The following PARP4 variants were observed in gnomAD, a reference collection of about 807,000 sequenced individuals.
PARP4 encodes protein mono-ADP-ribosyltransferase PARP4.
In PARP4, 120 loss-of-function variants were observed where a neutral mutation model predicts 187.7. The ratio of observed to expected loss-of-function variants is 0.64; its 90% CI spans 0.55 to 0.74. PARP4 has a LOEUF of 0.74. Among genes scored for constraint, PARP4 ranks in the 30% least tolerant of loss-of-function variants. PARP4 has a pLI of 0.00. For synonymous variants in PARP4, 654 were observed against 740.9 expected (o/e 0.88, Z 1.90); for missense variants, 1,836 against 2,070.5 (o/e 0.89, Z 2.20).
chr13:24,437,170 G>T (rs1870676162), intron 30 of PARP4, among the ~76,000 whole-genome samples: 1 of 151,994 alleles, frequency 6.6e-6, no homozygotes, highest in Admixed American at 6.6e-5. Flanking sequence ...ATCTGGAAAA[G>T]AATAAAGTTG....
chr13:24,426,260 C>T (rs1198723947), intron 33 of PARP4, among the ~76,000 whole-genome samples: 6 of 152,074 alleles, frequency 3.9e-5, no homozygotes, highest in African/African-American at 1.4e-4. Context: ...ACTCTTTGAG[C>T]CCATTTCCTG....
chr13:24,505,139 G>GACACAC (rs141835469), intron 1 of PARP4, among the ~76,000 whole-genome samples: 2,783 of 150,074 alleles, frequency 0.019, 97 homozygotes, highest in African/African-American at 0.064. Flanking sequence ...GTTAAAGAAA[G>GACACAC]ACACACACAC....
intron 1 of PARP4, among the ~76,000 whole-genome samples, chr13:24,506,420 T>A (rs879571186): frequency 6.6e-6 from 1 of 152,126 alleles, no homozygotes; most frequent in Non-Finnish European, 1.5e-5. Flanking sequence ...TTGCCACTGC[T>A]AGCTCGGGCA....
intron 30 of PARP4, among the ~76,000 whole-genome samples, chr13:24,435,916 C>CAA (rs56254149): frequency 4.6e-5 from 4 of 87,894 alleles, no homozygotes; most frequent in Non-Finnish European, 4.6e-5. Flanking sequence ...TATTCTGTCT[C>CAA]AAAAAAAAAA....
intron 30 of PARP4, among the ~76,000 whole-genome samples, chr13:24,440,204 C>A (rs1870849136): frequency 6.6e-6 from 1 of 151,966 alleles, no homozygotes; most frequent in Admixed American, 6.6e-5. Context: ...TCGAGACTAG[C>A]CTGGCCAACA....
At chr13:24,461,870 C>G (rs1346255596) in intron 17 of PARP4, among the ~76,000 whole-genome samples, 1 of 152,166 alleles carries the variant, frequency 6.6e-6, no homozygotes, top group Non-Finnish European at 1.5e-5. Flanking sequence ...CCAGGTAAAG[C>G]TCCACTGCTT....
At chr13:24,464,637 A>G (rs1001101152) in intron 17 of PARP4, among the ~76,000 whole-genome samples, 6 of 152,206 alleles carry the variant, frequency 3.9e-5, no homozygotes, top group Non-Finnish European at 7.3e-5. Context: ...AACTTACACA[A>G]AAAATAACTC....
intron 1 of PARP4, among the ~76,000 whole-genome samples, chr13:24,511,212 T>C (rs1167535473): frequency 6.6e-6 from 1 of 152,198 alleles, no homozygotes; most frequent in African/African-American, 2.4e-5. Context: ...CTTCTCTCTT[T>C]CCACAGATTC....
chr13:24,463,594 C>T (rs1310071447), intron 17 of PARP4, among the ~76,000 whole-genome samples: 1 of 152,178 alleles, frequency 6.6e-6, no homozygotes, highest in Admixed American at 6.5e-5. Context: ...TACAATTCAA[C>T]ATTGCTTTAT....
intron 3 of PARP4, 90 bp downstream of exon 3, chr13:24,501,543 G>T: frequency 2.4e-6 from 2 of 844,730 alleles, no homozygotes; most frequent in South Asian, 1.6e-5. Flanking sequence ...TAGTATTTCT[G>T]GACAATTCTC....
intron 18 of PARP4, 54 bp from the exon 19 acceptor site, chr13:24,459,364 G>A (rs1872065739): frequency 7.0e-7 from 1 of 1,437,800 alleles, no homozygotes; most frequent in Non-Finnish European, 9.4e-7. Flanking sequence ...GTTTCACAAT[G>A]AGACTAAAGT....
chr13:24,486,585 A>G (rs1447146416), intron 10 of PARP4, among the ~76,000 whole-genome samples: 1 of 152,264 alleles, frequency 6.6e-6, no homozygotes, highest in East Asian at 1.9e-4. Context: ...CAAATAAACA[A>G]TAGTATATGG....
At chr13:24,493,183 G>A (rs1868757001) in intron 8 of PARP4, among the ~76,000 whole-genome samples, 1 of 152,188 alleles carries the variant, frequency 6.6e-6, no homozygotes, top group African/African-American at 2.4e-5. Flanking sequence ...TTTTCTGGTG[G>A]TCTGGAGGCA....
At chr13:24,511,117 G>C (rs768110593) in intron 1 of PARP4, among the ~76,000 whole-genome samples, 1 of 152,168 alleles carries the variant, frequency 6.6e-6, no homozygotes, top group Non-Finnish European at 1.5e-5. Flanking sequence ...ACATAAATCT[G>C]CGGTCTGTTC....
chr13:24,439,004 C>A (rs1870781442), intron 30 of PARP4, among the ~76,000 whole-genome samples: 1 of 121,174 alleles, frequency 8.3e-6, no homozygotes, highest in Non-Finnish European at 1.8e-5. Context: ...CTAACATAAA[C>A]TTTCAAGTCA....
chr13:24,434,251 G>T, intron 31 of PARP4, 144 bp downstream of exon 31: 1 of 520,638 alleles, frequency 1.9e-6, no homozygotes, highest in Non-Finnish European at 3.0e-6. Context: ...AATGAAGGAA[G>T]CAGTATGATT....
chr13:24,444,129 T>G (rs1261252914), intron 27 of PARP4, among the ~76,000 whole-genome samples: 5 of 152,274 alleles, frequency 3.3e-5, no homozygotes, highest in Non-Finnish European at 7.3e-5. Flanking sequence ...TGGTCTGCAC[T>G]CTGAAGGGTG....
At chr13:24,500,230 A>G in intron 4 of PARP4, 86 bp downstream of exon 4, 1 of 668,366 alleles carries the variant, frequency 1.5e-6, no homozygotes, top group Non-Finnish European at 2.5e-6. Flanking sequence ...AAAAGTCTAC[A>G]AATAGAATTT....
chr13:24,483,352 G>T (rs1416896545), intron 12 of PARP4, among the ~76,000 whole-genome samples: 2 of 139,804 alleles, frequency 1.4e-5, no homozygotes, highest in African/African-American at 5.4e-5. Context: ...CAGGCGCGGT[G>T]GTGGGCACCT....
Sources: allele counts gnomAD v4.1 joint callset (sites outside exome capture counted in the v4.1 genomes callset), GRCh38; gene constraint gnomAD v4.1.1; transcripts MANE v1.5; gene names NCBI Gene and HGNC (gene_info 2026-07-23, HGNC 2026-07-21).